TTC21A: variants seen among roughly 807,000 people sequenced by gnomAD.
The protein encoded by TTC21A is tetratricopeptide repeat domain 21A.
A neutral mutation model predicts 156.4 loss-of-function variants in TTC21A; 128 were observed. The ratio of observed to expected loss-of-function variants is 0.82; its 90% CI spans 0.71 to 0.95. TTC21A has a LOEUF of 0.95. Ranked by LOEUF, TTC21A falls within the 40% of genes least tolerant of loss-of-function variation. The pLI is 0.00. For synonymous variants in TTC21A, 587 were observed against 617.1 expected, an observed-to-expected ratio of 0.95 and a Z score of 0.72; for missense variants, 1,435 against 1,602.3, an observed-to-expected ratio of 0.90 and a Z score of 1.78.
At position 39,112,500 on chromosome 3, in the gene TTC21A, C is replaced by A. The variant is rs1280788242; in HGVS notation, c.478C>A (p.Pro160Thr). 6.2e-7 allele frequency: 1 copy of A among 1,614,142 alleles called. No individual in the cohort carries two copies. ...CTGGGTGGACCTGACCTCAGACAAG[C>A]CCCACACTGCGAAGAAAGCCATTGA... Reference protein sequence around the residue: ...RGWVDLTSDKPHTAKKAIEYL... With the variant: ...RGWVDLTSDKTHTAKKAIEYL... The change falls in exon 5 of 29, where the codon CCC becomes ACC. Residue 160 changes from proline to threonine, a missense_variant. Pro to Thr is a conservative substitution (Grantham distance 38). Transcript: ENST00000683103.
At chr3:39,135,282 C>T in intron 22 of TTC21A, 108 bp downstream of exon 22, 1 of 927,174 alleles carries the variant, frequency 1.1e-6, no homozygotes, top group Non-Finnish European at 1.8e-6. Flanking sequence ...AGAGGAAGCC[C>T]CTTCCTCCCT....
At position 39,127,509 on chromosome 3, in the gene TTC21A, C is replaced by T. The variant is rs1575538697; in HGVS notation, c.1523-822C>T. Among the ~76,000 whole-genome samples, 3 of 152,310 alleles carry T rather than the reference C, an allele frequency of 2.0e-5. No individual in the cohort carries two copies. In the East Asian group the frequency reaches 5.8e-4, roughly 29 times the overall value. On this transcript the variant is annotated intron_variant, in intron 12 of 28. Coordinates refer to ENST00000683103, the MANE Select transcript of TTC21A (RefSeq NM_001366900.1). ...AGCAGTCTCCAGCTGTGTAGGTTGCCATGGTGACCTCTTCACATTTCCACA... is the reference window on the plus strand; with the variant it reads ...AGCAGTCTCCAGCTGTGTAGGTTGCTATGGTGACCTCTTCACATTTCCACA...
At chr3:39,108,224 A>C in intron 1 of TTC21A, 1 of 418,680 alleles carries the variant, frequency 2.4e-6, no homozygotes, top group Non-Finnish European at 4.3e-6. Context: ...CCTCTTCCCT[A>C]TACTCATCTT....
rs2038650755 is a variant in TTC21A, at chr3:39,130,609, C to T, written c.2320-92C>T. 3 of 1,502,582 alleles carry T rather than the reference C, an allele frequency of 2.0e-6. No homozygotes were observed. The highest frequency in any genetic ancestry group is 2.7e-6 in the Non-Finnish European group (3 of 1,096,676). 93.1% of individuals were successfully genotyped at this position (1,502,582 alleles called of 1,614,324 possible). On this transcript the variant is annotated intron_variant, in intron 17 of 28. Transcript: ENST00000683103. This position sits in a 1 kb window ranked among gnomAD's most constrained non-coding sequence, Gnocchi z 4.5. ...CACTTTAGGCTATGTTCTGGAGGGG[C>T]ACACTGGTGTGATGGCTGCTGAGGG...
At chr3:39,124,303 A>G (rs2038026101) in intron 9 of TTC21A, among the ~76,000 whole-genome samples, 1 of 152,204 alleles carries the variant, frequency 6.6e-6, no homozygotes, top group African/African-American at 2.4e-5. Context: ...GTTGTCATCA[A>G]AGAAAATGGG....
Position 39,137,584 on chromosome 3 carries a change from C to A in TTC21A, c.3549C>A (p.Thr1183=). ...ARMQLKRLAK[T]PWVLSEAEDL... is the part of the protein sequence containing the mutation. The stretch of plus-strand genomic sequence containing the variant: ...TGCAGTTGAAGCGCCTGGCCAAGAC[C>A]CCCTGGGTGCTGAGTGAGGCTGAGG... The change falls in exon 26 of 29, where the codon ACC becomes ACA. Residue 1183 remains threonine (T), a synonymous_variant. Transcript: ENST00000683103. 1 of 1,614,240 alleles carries A rather than the reference C, an allele frequency of 6.2e-7. No homozygotes were observed.
intron 2 of TTC21A, 74 bp from the exon 3 acceptor site, chr3:39,109,955 T>C: frequency 9.3e-7 from 1 of 1,076,468 alleles, no homozygotes; most frequent in Non-Finnish European, 1.4e-6. Context: ...TGCTGAGCTG[T>C]TGGGTCAGCT....
Position 39,130,589 on chromosome 3 carries a change from T to C in TTC21A, c.2320-112T>C, listed in dbSNP as rs2038648668. 9 of 1,390,030 alleles carry C rather than the reference T, an allele frequency of 6.5e-6. No individual in the cohort carries two copies. In the South Asian group the frequency reaches 9.2e-5, roughly 14 times the overall value. 86.1% of individuals were successfully genotyped at this position (1,390,030 alleles called of 1,614,324 possible). On this transcript the variant is annotated intron_variant, in intron 17 of 28. Transcript: ENST00000683103. The surrounding 1 kb of genome is among the most constrained non-coding windows in gnomAD (Gnocchi z 4.5). ...AGCTGGGAGGAGTGCCTTTTCACTT[T>C]AGGCTATGTTCTGGAGGGGCACACT... is the stretch of plus-strand genomic sequence containing the variant.
rs2037626923 is a variant in TTC21A, at chr3:39,120,039, G to A, written c.900+19G>A. 6.5e-7 allele frequency: 1 copy of A among 1,543,278 alleles called. No homozygotes were observed. The highest frequency in any genetic ancestry group is 1.4e-5 in the African/African-American group (1 of 71,428). ...CCGACTGGTAAGAAGGTTCTTTCCT[G>A]GTTCTGAAATGGTGCTTCTCCCTGC... On this transcript the variant is annotated intron_variant, in intron 8 of 28. Transcript: ENST00000683103.
rs1292506603 is a variant in TTC21A at position 39,119,922 on chromosome 3, G to C, written c.802G>C (p.Ala268Pro). 1 of 1,599,872 alleles carries C rather than the reference G, an allele frequency of 6.3e-7. No homozygotes were observed. The highest frequency in any genetic ancestry group is 1.1e-5 in the South Asian group (1 of 90,666). Residue 268 changes from alanine (A) to proline (P), a missense_variant and splice_region_variant, in exon 8 of 29, where the codon GCT (alanine) becomes CCT (proline). Physicochemically the swap from Ala to Pro is conservative, Grantham distance 27. Transcript: ENST00000683103. ...ELAREGNMTT[A>P]TNHVRNLIKA... ...GACATTCTCTGTTTTGTCCCTGCAG[G>C]CTACCAATCACGTTAGAAATCTGAT...
chr3:39,134,500 CG>C lies in TTC21A; in HGVS notation c.2862+174del, dbSNP rs965749430. ...TGCTGCACCTACTCTGCCCTTTAGCCGGAAGCGGTAGGCTGGCTGGCAGTGG... is the reference window on the plus strand; with the variant it reads ...TGCTGCACCTACTCTGCCCTTTAGCCGAAGCGGTAGGCTGGCTGGCAGTGG... On this transcript the variant is annotated intron_variant, in intron 21 of 28. Coordinates refer to ENST00000683103, the MANE Select transcript of TTC21A (RefSeq NM_001366900.1). This position sits in a 1 kb window ranked among gnomAD's most constrained non-coding sequence, Gnocchi z 4.6. 63 of 683,534 alleles carry C rather than the reference CG, an allele frequency of 9.2e-5. No individual in the cohort carries two copies. The Middle Eastern group carries it at 1.2e-3, about 13-fold the overall frequency. 42.3% of individuals were successfully genotyped at this position (683,534 alleles called of 1,614,324 possible). A position where few individuals can be genotyped will look rare whatever the true frequency, so the allele number is the denominator to read the frequency against.
At chr3:39,119,644 GAAAAAAAAGA>G in intron 7 of TTC21A, 1 of 219,544 alleles carries the variant, frequency 4.6e-6, no homozygotes, top group African/African-American at 2.8e-5. Flanking sequence ...AAAAAAAAAA[GAAAAAAAAGA>G]AAAAAAAAAA....
In TTC21A at chr3:39,134,789, G is replaced by A. The variant is rs944994722; in HGVS notation, c.2863-304G>A. 10 of 525,946 alleles carry A rather than the reference G, an allele frequency of 1.9e-5. No homozygotes were observed. The highest frequency in any genetic ancestry group is 3.1e-5 in the Admixed American group (1 of 31,756). 32.6% of individuals were successfully genotyped at this position (525,946 alleles called of 1,614,324 possible). On this transcript the variant is annotated intron_variant, in intron 21 of 28. Coordinates refer to ENST00000683103, the MANE Select transcript of TTC21A (RefSeq NM_001366900.1). This position sits in a 1 kb window ranked among gnomAD's most constrained non-coding sequence, Gnocchi z 4.6. ...GGCAGTTCTCAGAATGGGTGGAGAGGCTTCCCCTGTAGGCTGTCAAAAAGC... is the reference window on the plus strand; with the variant it reads ...GGCAGTTCTCAGAATGGGTGGAGAGACTTCCCCTGTAGGCTGTCAAAAAGC...
rs769153600 is a variant in TTC21A at position 39,137,070 on chromosome 3, C to T, written c.3257+10C>T. 3.8e-5 allele frequency: 62 copies of T among 1,612,992 alleles called. No individual in the cohort carries two copies. Among genetic ancestry groups the T allele is most frequent in the Non-Finnish European group, 5.2e-5 (61 of 1,179,486 alleles). The stretch of plus-strand genomic sequence containing the variant: ...AGGGAGCTGAGAGCAAGTAAGGGCC[C>T]ATGGAGGCAGGGGCGGAACCCTGGG... On this transcript the variant is annotated intron_variant, in intron 24 of 28. Transcript: ENST00000683103.
intron 6 of TTC21A, among the ~76,000 whole-genome samples, chr3:39,115,245 G>T (rs915917117): frequency 6.6e-6 from 1 of 152,158 alleles, no homozygotes; most frequent in Non-Finnish European, 1.5e-5. Context: ...GAGTTATTGG[G>T]CATGTAGAAA....
At chr3:39,138,657 G>A (rs2039322773) in intron 28 of TTC21A, 34 bp downstream of exon 28, 4 of 1,613,988 alleles carry the variant, frequency 2.5e-6, no homozygotes, top group South Asian at 1.1e-5. Flanking sequence ...AGGGCCTGGT[G>A]TAGTGGTGGG....
Position 39,136,421 on chromosome 3 carries a change from T to C in TTC21A, c.3009T>C (p.Ile1003=). ...LLRRSGKLED[I]PAFFELAKKV... Reference sequence around the variant, plus strand: ...GAAGAAGTGGAAAACTTGAAGACATTCCTGCCTTCTTTGAATTGGCCAAGA... The same window carrying C: ...GAAGAAGTGGAAAACTTGAAGACATCCCTGCCTTCTTTGAATTGGCCAAGA... Residue 1003 remains isoleucine (I), a synonymous_variant, in exon 23 of 29, where the codon ATT becomes ATC. Transcript: ENST00000683103. The C allele has an allele frequency of 6.2e-7, 1 of 1,614,236 alleles. No individual in the cohort carries two copies. The highest frequency in any genetic ancestry group is 1.1e-5 in the South Asian group (1 of 91,086).
rs185453010 is a variant in TTC21A at position 39,136,007 on chromosome 3, G to A, written c.2945-350G>A. 9.4e-4 allele frequency among the ~76,000 whole-genome samples: 141 copies of A among 150,706 alleles called. 1 individual carries two copies. The highest frequency in any genetic ancestry group is 8.0e-3 in the Admixed American group (121 of 15,116). ...CAGGAGGCAGAGCTTGCAGTGAGCC[G>A]AGATCACGCCACTGCACTCCAGCCT... On this transcript the variant is annotated intron_variant, in intron 22 of 28. Coordinates refer to ENST00000683103, the MANE Select transcript of TTC21A (RefSeq NM_001366900.1).
chr3:39,134,833 T>C lies in TTC21A; in HGVS notation c.2863-260T>C. On this transcript the variant is annotated intron_variant, in intron 21 of 28. Transcript: ENST00000683103. The surrounding 1 kb of genome is among the most constrained non-coding windows in gnomAD (Gnocchi z 4.6). ...AAAAAGCCCCACTGGTCTCTACCACTAGTCTTACCTTCCCATGTACATCCT... is the reference window on the plus strand; with the variant it reads ...AAAAAGCCCCACTGGTCTCTACCACCAGTCTTACCTTCCCATGTACATCCT... 1 of 574,106 alleles carries C rather than the reference T, an allele frequency of 1.7e-6. No homozygotes were observed. Among genetic ancestry groups the C allele is most frequent in the Non-Finnish European group, 3.1e-6 (1 of 320,976 alleles). The allele number at this position is 574,106 out of a possible 1,614,324, so 35.6% of individuals were successfully genotyped here.
Sources: allele counts gnomAD v4.1 joint callset (sites outside exome capture counted in the v4.1 genomes callset), GRCh38; gene constraint gnomAD v4.1.1; non-coding constraint Gnocchi (gnomAD v3.1); transcripts MANE v1.5; gene names NCBI Gene and HGNC (gene_info 2026-07-23, HGNC 2026-07-21).